Variants in PLEKHB2 observed in about 807,000 individuals in gnomAD.
The protein encoded by PLEKHB2 is pleckstrin homology domain-containing family B member 2.
In PLEKHB2, 31 loss-of-function variants were observed where a neutral mutation model predicts 36.5. That is an observed-to-expected ratio of 0.85 (90% confidence interval 0.64 to 1.15). PLEKHB2 has a LOEUF of 1.15. Among genes scored for constraint, PLEKHB2 ranks in the 50% most tolerant of loss-of-function variants. PLEKHB2 has a pLI of 0.00. For missense variants in PLEKHB2, 262 were observed against 295.3 expected (o/e 0.89, Z 0.83); for synonymous variants, 119 against 112.0 (o/e 1.06, Z -0.39).
chr2:131,131,358 A>G (rs1697657760), intron 5 of PLEKHB2, among the ~76,000 whole-genome samples: 1 of 152,200 alleles, frequency 6.6e-6, no homozygotes, highest in African/African-American at 2.4e-5. Flanking sequence ...CTTAGAAAGA[A>G]CTGCAGGATC....
intron 7 of PLEKHB2, among the ~76,000 whole-genome samples, chr2:131,140,656 G>A (rs763989891): frequency 6.6e-6 from 1 of 152,232 alleles, no homozygotes; most frequent in Non-Finnish European, 1.5e-5. Context: ...GTGATGTTCT[G>A]TTTCACAGTG....
intron 4 of PLEKHB2, 197 bp downstream of exon 4, chr2:131,126,983 C>T (rs1573577454): frequency 1.9e-6 from 1 of 528,628 alleles, no homozygotes; most frequent in East Asian, 3.2e-5. Context: ...TAGGCCGATC[C>T]CATTGTGGTG....
At chr2:131,127,020 C>T (rs950945416) in intron 4 of PLEKHB2, 1 of 443,754 alleles carries the variant, frequency 2.3e-6, no homozygotes, top group African/African-American at 2.0e-5. Context: ...ATAGCAGTCT[C>T]ATCATGCTGT....
chr2:131,137,096 G>A (rs1698339812), intron 6 of PLEKHB2, among the ~76,000 whole-genome samples: 1 of 151,546 alleles, frequency 6.6e-6, no homozygotes, highest in Admixed American at 6.6e-5. Context: ...ACAGGCGCCT[G>A]CCACCACACC....
At chr2:131,117,374 C>T (rs775485006) in intron 1 of PLEKHB2, among the ~76,000 whole-genome samples, 2 of 152,180 alleles carry the variant, frequency 1.3e-5, no homozygotes, top group South Asian at 2.1e-4. Context: ...CTGCAGCGAG[C>T]GGAGATCATT....
chr2:131,127,434 C>A (rs987792651), intron 4 of PLEKHB2, among the ~76,000 whole-genome samples: 11 of 152,112 alleles, frequency 7.2e-5, no homozygotes, highest in African/African-American at 2.7e-4. Context: ...GATTAAGGAC[C>A]CACCTTAATT....
intron 6 of PLEKHB2, among the ~76,000 whole-genome samples, chr2:131,137,401 T>G (rs1214145348): frequency 6.6e-6 from 1 of 152,244 alleles, no homozygotes; most frequent in Non-Finnish European, 1.5e-5. Flanking sequence ...TCACATGACC[T>G]TTCTTCTGGG....
At chr2:131,130,852 C>T (rs1697603047) in intron 5 of PLEKHB2, 92 bp downstream of exon 5, 5 of 854,302 alleles carry the variant, frequency 5.9e-6, no homozygotes, top group Middle Eastern at 2.3e-4. Context: ...GCTGTCTCAC[C>T]TCACTGCAGC....
At position 131,115,341 on chromosome 2, in the gene PLEKHB2, C is replaced by CTTTT. The variant is rs1179533654; in HGVS notation, c.-8-5565_-8-5562dup. Among the ~76,000 whole-genome samples the CTTTT allele has an allele frequency of 3.5e-3, 229 of 64,568 alleles. 16 individuals are homozygous for CTTTT. Among genetic ancestry groups the CTTTT allele is most frequent in the Non-Finnish European group, 4.0e-3 (137 of 33,870 alleles). The allele number at this position is 64,568 out of a possible 152,430, so 42.4% of individuals were successfully genotyped here. ...GCCAAACCATTATCAGAAAGTATGT[C>CTTTT]TTTTTTTTTTTTTTTTTTTTTTTTT... is the stretch of plus-strand genomic sequence containing the variant. On this transcript the variant is annotated intron_variant, in intron 1 of 7. Transcript: ENST00000693505.
chr2:131,118,366 T>C (rs1573544943), intron 1 of PLEKHB2, among the ~76,000 whole-genome samples: 1 of 152,160 alleles, frequency 6.6e-6, no homozygotes, highest in Non-Finnish European at 1.5e-5. Context: ...AGCAAGAAGC[T>C]TCAGCGTGCA....
Position 131,109,911 on chromosome 2 carries a change from G to A in PLEKHB2, c.-9+4513G>A, listed in dbSNP as rs1315356008. Reference sequence around the variant, plus strand: ...AAGTGGATCATGAGGTCAGGAGATCGAGACCATCCTGGCTGACACGGTGAA... The same window carrying A: ...AAGTGGATCATGAGGTCAGGAGATCAAGACCATCCTGGCTGACACGGTGAA... On this transcript the variant is annotated intron_variant, in intron 1 of 7. Transcript: ENST00000693505. 5.9e-5 allele frequency among the ~76,000 whole-genome samples: 9 copies of A among 151,868 alleles called. No individual in the cohort carries two copies. The East Asian group carries it at 1.2e-3, about 20-fold the overall frequency.
chr2:131,130,141 G>A (rs1257095910), intron 4 of PLEKHB2, among the ~76,000 whole-genome samples: 2 of 151,684 alleles, frequency 1.3e-5, no homozygotes, highest in Non-Finnish European at 2.9e-5. Flanking sequence ...CCTCCCAGGC[G>A]CAAGCTATTC....
At chr2:131,111,632 A>C (rs1169681386) in intron 1 of PLEKHB2, among the ~76,000 whole-genome samples, 1 of 151,288 alleles carries the variant, frequency 6.6e-6, no homozygotes, top group African/African-American at 2.4e-5. Context: ...CTGGGACTAC[A>C]GGAGCCTGCC....
In PLEKHB2 at chr2:131,109,397, A is replaced by G. The variant is rs527483673; in HGVS notation, c.-9+3999A>G. Among the ~76,000 whole-genome samples the G allele has an allele frequency of 4.8e-4, 73 of 152,198 alleles. 1 individual carries two copies. Among genetic ancestry groups the G allele is most frequent in the Non-Finnish European group, 8.8e-4 (60 of 68,036 alleles). On this transcript the variant is annotated intron_variant, in intron 1 of 7. Transcript: ENST00000693505. ...AAATAATACATGTACATAGATTGAA[A>G]GACCAAATAGGCTGAGCGTGGTGGC...
intron 7 of PLEKHB2, among the ~76,000 whole-genome samples, chr2:131,142,301 C>A (rs1403338666): frequency 1.3e-5 from 2 of 152,202 alleles, no homozygotes; most frequent in Admixed American, 6.5e-5. Context: ...TCCTGTACTT[C>A]CTCCATATAA....
intron 2 of PLEKHB2, among the ~76,000 whole-genome samples, chr2:131,124,285 A>G (rs888468132): frequency 6.6e-6 from 1 of 152,196 alleles, no homozygotes; most frequent in South Asian, 2.1e-4. Context: ...AATGGCGCAT[A>G]TCTGGTTGAC....
At position 131,120,984 on chromosome 2, in the gene PLEKHB2, T is replaced by C. The variant is rs766589701; in HGVS notation, c.37+6T>C. ...TGGCTGGTTGCTGCGACAGAGTGAG[T>C]ACAGGATGTGCGGTCTGCGATCGGC... On this transcript the variant is annotated splice_donor_region_variant and intron_variant, in intron 2 of 7. Transcript: ENST00000693505. The C allele has an allele frequency of 4.3e-6, 7 of 1,613,772 alleles. No individual in the cohort carries two copies. The highest frequency in any genetic ancestry group is 3.3e-5 in the South Asian group (3 of 91,072).
intron 7 of PLEKHB2, among the ~76,000 whole-genome samples, chr2:131,143,654 G>T (rs1206504933): frequency 6.6e-6 from 1 of 152,200 alleles, no homozygotes; most frequent in African/African-American, 2.4e-5. Context: ...GATAGCTTCA[G>T]TAGGTCTCAA....
intron 7 of PLEKHB2, among the ~76,000 whole-genome samples, chr2:131,145,352 T>C (rs781497642): frequency 1.3e-5 from 2 of 152,168 alleles, no homozygotes; most frequent in Non-Finnish European, 2.9e-5. Context: ...TCTTTTTTTG[T>C]GTGTTTGAGA....
Sources: gnomAD v4.1 joint callset for allele counts (sites outside exome capture counted in the v4.1 genomes callset) on GRCh38, gnomAD v4.1.1 for gene constraint, MANE v1.5 for transcripts, NCBI Gene and HGNC (gene_info 2026-07-23, HGNC 2026-07-21) for gene names.